Variants in AKAP13 observed in about 807,000 individuals in gnomAD.
AKAP13 encodes A-kinase anchoring protein 13.
In AKAP13, 80 loss-of-function variants were observed where a neutral mutation model predicts 264.5. That is an observed-to-expected ratio of 0.30 (90% CI 0.25 to 0.36). The LOEUF (loss-of-function observed/expected upper bound fraction) is 0.36. Among genes scored for constraint, AKAP13 ranks in the 10% least tolerant of loss-of-function variants. AKAP13 has a pLI of 1.00. For synonymous variants in AKAP13, 1,380 were observed against 1,250.2 expected (o/e 1.10, Z -2.19); for missense variants, 3,712 against 3,435.2 (o/e 1.08, Z -2.01).
Position 85,681,477 on chromosome 15 carries a change from C to T in AKAP13, c.5102-681C>T, listed in dbSNP as rs904776249. On this transcript the variant is annotated intron_variant, in intron 14 of 36. Transcript: ENST00000394518. The stretch of plus-strand genomic sequence containing the variant: ...ATAGTCTTAGAATTTTAATGACCTG[C>T]GGCAGTTTATGGTCCAGTGGTTGTG... Among the ~76,000 whole-genome samples the T allele has an allele frequency of 3.3e-5, 5 of 152,008 alleles. No homozygotes were observed. The South Asian group carries it at 1.0e-3, about 32-fold the overall frequency.
intron 1 of AKAP13, among the ~76,000 whole-genome samples, chr15:85,384,507 A>G (rs1043710348): frequency 5.3e-5 from 8 of 152,126 alleles, no homozygotes; most frequent in Admixed American, 3.3e-4. Flanking sequence ...ACTTGAGGTC[A>G]GGAGTTCAAG....
At chr15:85,578,543 C>T (rs2079090792) in intron 6 of AKAP13, among the ~76,000 whole-genome samples, 1 of 152,020 alleles carries the variant, frequency 6.6e-6, no homozygotes, top group Non-Finnish European at 1.5e-5. Context: ...GACAGGGTTT[C>T]TCCATGTTGA....
chr15:85,592,041 A>G (rs2079602744), intron 8 of AKAP13, among the ~76,000 whole-genome samples: 1 of 137,036 alleles, frequency 7.3e-6, no homozygotes, highest in Admixed American at 7.9e-5. Context: ...AATCAGAACC[A>G]TGATCTTTTT....
intron 13 of AKAP13, 41 bp from the exon 14 acceptor site, chr15:85,669,681 G>A (rs372666388): frequency 4.9e-5 from 68 of 1,388,010 alleles, no homozygotes; most frequent in Non-Finnish European, 6.5e-5. Flanking sequence ...AAATATGAGA[G>A]TATATGCTTA....
intron 1 of AKAP13, among the ~76,000 whole-genome samples, chr15:85,429,605 C>T (rs777095927): frequency 6.6e-5 from 10 of 152,108 alleles, no homozygotes; most frequent in Non-Finnish European, 1.0e-4. Context: ...ATGATAAGTG[C>T]CACAAGGCCA....
Position 85,581,691 on chromosome 15 carries a change from C to T in AKAP13, c.3623C>T (p.Ala1208Val), listed in dbSNP as rs2079144288. 6.2e-7 allele frequency: 1 copy of T among 1,613,996 alleles called. No individual in the cohort carries two copies. The highest frequency in any genetic ancestry group is 1.3e-5 in the African/African-American group (1 of 74,934). Reference protein sequence around the residue: ...DMELSAHDDGAPAGVREVMRA... With the variant: ...DMELSAHDDGVPAGVREVMRA... ...GAGCTCTCAGCCCATGATGATGGGG[C>T]CCCAGCTGGTGTGAGGGAAGTCATG... The change falls in exon 7 of 37, where the codon GCC becomes GTC. Residue 1208 changes from alanine (A) to valine (V), a missense_variant. Physicochemically the swap from Ala to Val is moderately conservative, Grantham distance 64. This residue lies in a region of AKAP13 where 2,759 missense variants were observed against 2,411.7 expected (regional missense o/e 1.14). Transcript: ENST00000394518.
At chr15:85,391,545 C>A (rs920577504) in intron 1 of AKAP13, among the ~76,000 whole-genome samples, 27 of 145,708 alleles carry the variant, frequency 1.9e-4, no homozygotes, top group African/African-American at 6.7e-4. Context: ...AGTGCAGTGG[C>A]GCGATCTCGG....
At chr15:85,464,281 G>T (rs1287273021) in intron 1 of AKAP13, among the ~76,000 whole-genome samples, 1 of 152,116 alleles carries the variant, frequency 6.6e-6, no homozygotes, top group East Asian at 1.9e-4. Flanking sequence ...TAGAAGTCCA[G>T]TTACAGATTT....
Position 85,718,163 on chromosome 15 carries a change from A to G in AKAP13, c.6001+4A>G. 6.2e-7 allele frequency: 1 copy of G among 1,613,858 alleles called. No homozygotes were observed. The highest frequency in any genetic ancestry group is 8.5e-7 in the Non-Finnish European group (1 of 1,179,792). ...AAACGGCAAGAAGTAATATATGGTGAGAGTCTTCATTTTGCTCTGATTATA... is the reference window on the plus strand; with the variant it reads ...AAACGGCAAGAAGTAATATATGGTGGGAGTCTTCATTTTGCTCTGATTATA... On this transcript the variant is annotated splice_donor_region_variant and intron_variant, in intron 22 of 36. Coordinates refer to ENST00000394518, the MANE Select transcript of AKAP13 (RefSeq NM_007200.5). The surrounding 1 kb of genome is among the most constrained non-coding windows in gnomAD (Gnocchi z 4.9).
intron 5 of AKAP13, among the ~76,000 whole-genome samples, chr15:85,544,983 T>C (rs78829185): frequency 0.013 from 1,909 of 152,356 alleles, 42 homozygotes; most frequent in African/African-American, 0.043. Flanking sequence ...CTTACGGTTA[T>C]GTAAACAGCT....
Position 85,613,691 on chromosome 15 carries a change from A to AAAAAATATATATATATAT in AKAP13, c.4162-25682_4162-25681insAAAATATATATATATATA, listed in dbSNP as rs1313187436. On this transcript the variant is annotated intron_variant, in intron 8 of 36. Transcript: ENST00000394518. Reference sequence around the variant, plus strand: ...GCCAGACTCCGTCTAAAAAAAAAAAAATATATATATATATATATATATTAG... The same window carrying AAAAAATATATATATATAT: ...GCCAGACTCCGTCTAAAAAAAAAAAAAAAAATATATATATATATATATATATATATATATATATATTAG... Among the ~76,000 whole-genome samples, 39 of 91,950 alleles carry AAAAAATATATATATATAT rather than the reference A, an allele frequency of 4.2e-4. 1 individual carries two copies. The highest frequency in any genetic ancestry group is 1.7e-3 in the African/African-American group (38 of 21,920). The allele number at this position is 91,950 out of a possible 152,430, so 60.3% of individuals were successfully genotyped here. A position where few individuals can be genotyped will look rare whatever the true frequency, so the allele number is the denominator to read the frequency against.
At chr15:85,650,488 G>A (rs545812868) in intron 10 of AKAP13, among the ~76,000 whole-genome samples, 3 of 151,808 alleles carry the variant, frequency 2.0e-5, no homozygotes, top group East Asian at 1.9e-4. Context: ...TGACAATTGC[G>A]GCTGGGCGTG....
chr15:85,532,342 GTCTGAAACC>G (rs2077267754), intron 3 of AKAP13, among the ~76,000 whole-genome samples: 1 of 152,226 alleles, frequency 6.6e-6, no homozygotes, highest in Non-Finnish European at 1.5e-5. Flanking sequence ...TTCATTCCAA[GTCTGAAACC>G]TCTGTTGGCC....
chr15:85,384,037 A>T (rs1169337288), intron 1 of AKAP13, among the ~76,000 whole-genome samples: 5 of 152,254 alleles, frequency 3.3e-5, no homozygotes, highest in Admixed American at 6.5e-5. Flanking sequence ...ACCTAGATGG[A>T]GTAGATACAT....
At chr15:85,426,065 G>C (rs893035020) in intron 1 of AKAP13, among the ~76,000 whole-genome samples, 1 of 152,170 alleles carries the variant, frequency 6.6e-6, no homozygotes, top group Non-Finnish European at 1.5e-5. Context: ...ATTGGTGAAG[G>C]ACTAATTCAT....
chr15:85,510,278 G>A (rs1191264860), intron 2 of AKAP13, among the ~76,000 whole-genome samples: 1 of 152,178 alleles, frequency 6.6e-6, no homozygotes, highest in Non-Finnish European at 1.5e-5. Context: ...ACTGGGCTTA[G>A]ACATTTCTCC....
At chr15:85,587,337 TTAGCG>T (rs1473496261) in intron 8 of AKAP13, among the ~76,000 whole-genome samples, 3 of 152,270 alleles carry the variant, frequency 2.0e-5, no homozygotes, top group African/African-American at 7.2e-5. Flanking sequence ...CTTCTTTCAC[TTAGCG>T]TAATATTTTC....
intron 1 of AKAP13, among the ~76,000 whole-genome samples, chr15:85,436,725 C>T (rs1402704802): frequency 6.6e-6 from 1 of 151,126 alleles, no homozygotes; most frequent in Admixed American, 6.6e-5. Context: ...CTACTGGGTA[C>T]ATAACGAAAT....
At chr15:85,559,821 A>C (rs147284037) in intron 5 of AKAP13, among the ~76,000 whole-genome samples, 1 of 152,186 alleles carries the variant, frequency 6.6e-6, no homozygotes. Flanking sequence ...CTAACACGCC[A>C]TAGACTGGTA....
Sources: allele counts gnomAD v4.1 joint callset (sites outside exome capture counted in the v4.1 genomes callset), GRCh38; gene constraint gnomAD v4.1.1; regional missense constraint gnomAD v4.1.1; non-coding constraint Gnocchi (gnomAD v3.1); transcripts MANE v1.5; gene names NCBI Gene and HGNC (gene_info 2026-07-23, HGNC 2026-07-21).